PPFIA2: variants seen among roughly 807,000 people sequenced by gnomAD.
PPFIA2 encodes the protein liprin-alpha-2.
Under a neutral mutation model 175.5 loss-of-function variants are expected in PPFIA2, and 46 were observed. The observed-to-expected ratio is 0.26, with a 90% CI of 0.21 to 0.34. The LOEUF is 0.34. Ranked by LOEUF, PPFIA2 falls within the 10% of genes least tolerant of loss-of-function variation. PPFIA2 has a pLI of 1.00. For missense variants in PPFIA2, 1,179 were observed against 1,506.1 expected (o/e 0.78, Z 3.60); for synonymous variants, 568 against 511.4 (o/e 1.11, Z -1.49).
At chr12:81,278,822 A>T (rs1247472545) in intron 27 of PPFIA2, among the ~76,000 whole-genome samples, 2 of 152,212 alleles carry the variant, frequency 1.3e-5, no homozygotes, top group Non-Finnish European at 2.9e-5. Context: ...TATCAGTGAT[A>T]CTTTACATGT....
chr12:81,544,393 C>T (rs1434026349), intron 4 of PPFIA2, among the ~76,000 whole-genome samples: 2 of 152,008 alleles, frequency 1.3e-5, no homozygotes, highest in African/African-American at 4.8e-5. Flanking sequence ...GATAGTGTAC[C>T]TCATGCCCAG....
At chr12:81,282,758 C>A (rs1323055175) in intron 26 of PPFIA2, 1 of 299,254 alleles carries the variant, frequency 3.3e-6, no homozygotes, top group Non-Finnish European at 6.2e-6. Context: ...TTGGATCATT[C>A]TTTTGAGAAA....
chr12:81,397,788 A>G (rs574201900), intron 8 of PPFIA2, among the ~76,000 whole-genome samples: 38 of 152,098 alleles, frequency 2.5e-4, no homozygotes, highest in African/African-American at 8.4e-4. Context: ...CTTGATCTGT[A>G]TTTACAACCA....
intron 3 of PPFIA2, among the ~76,000 whole-genome samples, chr12:81,734,099 C>G (rs2081271763): frequency 6.6e-6 from 1 of 151,812 alleles, no homozygotes. Flanking sequence ...CATATTACCA[C>G]TGTTTCCTAT....
chr12:81,628,375 C>T (rs2062968265), intron 4 of PPFIA2, among the ~76,000 whole-genome samples: 1 of 127,438 alleles, frequency 7.8e-6, no homozygotes. Flanking sequence ...CTTTCTTTTA[C>T]CTTTTTTTTT....
chr12:81,732,052 A>G (rs1318022940), intron 3 of PPFIA2, among the ~76,000 whole-genome samples: 2 of 151,652 alleles, frequency 1.3e-5, no homozygotes, highest in African/African-American at 4.8e-5. Flanking sequence ...TGAATATAAC[A>G]TGGACTGTGA....
At position 81,754,073 on chromosome 12, in the gene PPFIA2, C is replaced by G. The variant is rs141901519; in HGVS notation, c.149G>C (p.Arg50Pro). The G allele has an allele frequency of 6.2e-7, 1 of 1,613,606 alleles. No homozygotes were observed. The highest frequency in any genetic ancestry group is 8.5e-7 in the Non-Finnish European group (1 of 1,179,852). The stretch of plus-strand genomic sequence containing the variant: ...AAGTGAGAGGCTTTCCTGGGTCTCC[C>G]GAAGGGTGTCTAGAAGACGATCCCT... ...DERDRLLDTL[R>P]ETQESLSLAQ... The change falls in exon 3 of 33, where the codon CGG becomes CCG. Residue 50 changes from arginine (R) to proline (P), a missense_variant. Arg to Pro is a moderately radical substitution (Grantham distance 103, BLOSUM62 -2). Around this residue, in one of 10 missense-constraint regions of PPFIA2, gnomAD observed 128 missense variants for 141.4 expected, o/e 0.91. Coordinates refer to ENST00000549396, the MANE Select transcript of PPFIA2 (RefSeq NM_003625.5).
intron 22 of PPFIA2, among the ~76,000 whole-genome samples, chr12:81,321,009 C>T (rs180738287): frequency 9.3e-5 from 14 of 151,102 alleles, no homozygotes; most frequent in Admixed American, 2.6e-4. Flanking sequence ...CACCTACTTA[C>T]GGCATTTCTG....
intron 26 of PPFIA2, among the ~76,000 whole-genome samples, chr12:81,282,448 C>T (rs1428218733): frequency 6.6e-6 from 1 of 152,044 alleles, no homozygotes; most frequent in Non-Finnish European, 1.5e-5. Flanking sequence ...CACAAATTTT[C>T]TCTTTTGGTC....
At chr12:81,535,525 C>T (rs1012739724) in intron 4 of PPFIA2, 1 of 451,724 alleles carries the variant, frequency 2.2e-6, no homozygotes, top group African/African-American at 2.0e-5. Flanking sequence ...AAATGAAGAA[C>T]ATCTAACTCA....
chr12:81,443,796 T>C (rs2050679738), intron 6 of PPFIA2, among the ~76,000 whole-genome samples: 1 of 149,822 alleles, frequency 6.7e-6, no homozygotes, highest in African/African-American at 2.5e-5. Context: ...TTTCTCTGCT[T>C]AAAAAACCCT....
Position 81,362,804 on chromosome 12 carries a change from T to G in PPFIA2, c.1546-20A>C. On this transcript the variant is annotated intron_variant, in intron 14 of 32. Transcript: ENST00000549396. ...TCTTTCCTAAAAAATCAAAACAGTG[T>G]TACTCAGATGCCAGTAATATCAGCA... The G allele has an allele frequency of 6.9e-7, 1 of 1,442,378 alleles. No individual in the cohort carries two copies. The highest frequency in any genetic ancestry group is 1.4e-5 in the African/African-American group (1 of 70,938). The allele number at this position is 1,442,378 out of a possible 1,614,324, so 89.3% of individuals were successfully genotyped here.
intron 4 of PPFIA2, among the ~76,000 whole-genome samples, chr12:81,630,789 A>T (rs1245533289): frequency 3.3e-5 from 5 of 151,448 alleles, no homozygotes; most frequent in Non-Finnish European, 5.9e-5. Flanking sequence ...AGAAAAATAA[A>T]TTTTTTCTAT....
intron 4 of PPFIA2, among the ~76,000 whole-genome samples, chr12:81,607,751 T>C (rs1209104802): frequency 6.6e-6 from 1 of 152,190 alleles, no homozygotes; most frequent in African/African-American, 2.4e-5. Context: ...AAGAGAGATA[T>C]TTTGACTTTT....
chr12:81,442,062 G>A (rs940636260), intron 6 of PPFIA2, among the ~76,000 whole-genome samples: 2 of 151,894 alleles, frequency 1.3e-5, no homozygotes, highest in Non-Finnish European at 2.9e-5. Context: ...GTTCCAAACT[G>A]TTTTCTATTT....
At chr12:81,663,341 T>C (rs2069351282) in intron 4 of PPFIA2, among the ~76,000 whole-genome samples, 1 of 152,138 alleles carries the variant, frequency 6.6e-6, no homozygotes, top group African/African-American at 2.4e-5. Context: ...TTCAGCAAAG[T>C]CTCAGGATAC....
intron 4 of PPFIA2, among the ~76,000 whole-genome samples, chr12:81,595,655 C>A (rs2059165646): frequency 6.6e-6 from 1 of 152,098 alleles, no homozygotes; most frequent in Admixed American, 6.6e-5. Flanking sequence ...ATGTGTTTGT[C>A]TAAATTAAAG....
chr12:81,754,807 T>C (rs1230085957), intron 2 of PPFIA2, among the ~76,000 whole-genome samples: 2 of 152,160 alleles, frequency 1.3e-5, no homozygotes, highest in Non-Finnish European at 2.9e-5. Flanking sequence ...AGTCAACCGA[T>C]TTTTTTCAAA....
intron 3 of PPFIA2, among the ~76,000 whole-genome samples, chr12:81,712,567 A>C (rs1426954382): frequency 6.6e-6 from 1 of 151,186 alleles, no homozygotes; most frequent in Non-Finnish European, 1.5e-5. Flanking sequence ...CTATGTGTAT[A>C]GGTTGCATTT....
Sources: gnomAD v4.1 joint callset for allele counts (sites outside exome capture counted in the v4.1 genomes callset) on GRCh38, gnomAD v4.1.1 for gene constraint, gnomAD v4.1.1 regional missense constraint, MANE v1.5 for transcripts, NCBI Gene and HGNC (gene_info 2026-07-23, HGNC 2026-07-21) for gene names.